Variants in NRXN3 observed in about 807,000 individuals in gnomAD.
NRXN3 encodes neurexin III.
Under a neutral mutation model 137.6 loss-of-function variants are expected in NRXN3, and 32 were observed. The observed-to-expected ratio is 0.23, with a 90% CI of 0.18 to 0.31. NRXN3 has a LOEUF of 0.31. Ranked by LOEUF, NRXN3 falls within the 10% of genes least tolerant of loss-of-function variation. NRXN3 has a pLI of 1.00. For missense variants in NRXN3, 1,574 were observed against 2,062.5 expected (o/e 0.76, Z 4.59); for synonymous variants, 798 against 784.5 (o/e 1.02, Z -0.29).
chr14:79,316,892 C>G (rs140914088), intron 15 of NRXN3, among the ~76,000 whole-genome samples: 12 of 152,134 alleles, frequency 7.9e-5, no homozygotes, highest in African/African-American at 2.9e-4. Flanking sequence ...TACAACAATA[C>G]AAAGTTATCA....
intron 15 of NRXN3, among the ~76,000 whole-genome samples, chr14:79,301,370 G>A (rs1427952332): frequency 1.3e-5 from 2 of 152,004 alleles, no homozygotes; most frequent in African/African-American, 2.4e-5. Context: ...ATCGGCAGCT[G>A]TCTTACTCAT....
At chr14:79,146,293 T>C (rs2059292396) in intron 15 of NRXN3, among the ~76,000 whole-genome samples, 1 of 152,098 alleles carries the variant, frequency 6.6e-6, no homozygotes, top group Admixed American at 6.5e-5. Context: ...TTACAAGGCA[T>C]GGTCCTGCCT....
intron 1 of NRXN3, among the ~76,000 whole-genome samples, chr14:78,179,448 T>C (rs1235410907): frequency 6.6e-6 from 1 of 152,158 alleles, no homozygotes; most frequent in Non-Finnish European, 1.5e-5. Context: ...TAATTAAACA[T>C]CGATTTCTGG....
chr14:78,748,442 G>A (rs1048075722), intron 8 of NRXN3, among the ~76,000 whole-genome samples: 1 of 152,118 alleles, frequency 6.6e-6, no homozygotes, highest in Non-Finnish European at 1.5e-5. Context: ...GGAAATGTGG[G>A]GAAGGGTAGA....
intron 8 of NRXN3, among the ~76,000 whole-genome samples, chr14:78,797,272 G>T (rs2098824835): frequency 1.3e-5 from 2 of 152,176 alleles, no homozygotes; most frequent in Admixed American, 6.5e-5. Flanking sequence ...CAGGGTTAGT[G>T]TCCAGACTTG....
chr14:78,971,491 A>G (rs1005089050), intron 14 of NRXN3, among the ~76,000 whole-genome samples: 2 of 152,042 alleles, frequency 1.3e-5, no homozygotes, highest in Non-Finnish European at 2.9e-5. Context: ...TACATTTAAT[A>G]TATGTTTCCA....
At chr14:79,707,498 T>A (rs968494583) in intron 19 of NRXN3, among the ~76,000 whole-genome samples, 9 of 136,062 alleles carry the variant, frequency 6.6e-5, no homozygotes. Flanking sequence ...TGGAGCTATG[T>A]TTTTTTATTA....
At chr14:78,812,618 A>G (rs889546072) in intron 10 of NRXN3, among the ~76,000 whole-genome samples, 4 of 152,222 alleles carry the variant, frequency 2.6e-5, no homozygotes, top group African/African-American at 9.6e-5. Context: ...TGTTGGGAAG[A>G]TGGTGACACA....
chr14:78,808,334 A>G (rs1411374268), intron 9 of NRXN3, among the ~76,000 whole-genome samples: 1 of 152,194 alleles, frequency 6.6e-6, no homozygotes, highest in Non-Finnish European at 1.5e-5. Flanking sequence ...TTCTTGTCTA[A>G]TAATAAAATC....
chr14:78,864,011 A>T lies in NRXN3; in HGVS notation c.2275+53667A>T, dbSNP rs535640839. 2.0e-5 allele frequency among the ~76,000 whole-genome samples: 3 copies of T among 152,304 alleles called. No individual in the cohort carries two copies. In the South Asian group the frequency reaches 6.2e-4, roughly 32 times the overall value. ...AACTCCTGTGAACATATTGTCTTTG[A>T]AATTGGTAAAATAAATAAAATTGAG... On this transcript the variant is annotated intron_variant, in intron 10 of 20. Transcript: ENST00000335750.
chr14:78,331,926 A>C (rs2080864028), intron 4 of NRXN3, among the ~76,000 whole-genome samples: 1 of 152,232 alleles, frequency 6.6e-6, no homozygotes, highest in African/African-American at 2.4e-5. Context: ...ATGGCCAGCC[A>C]GGCCAATTAG....
intron 16 of NRXN3, among the ~76,000 whole-genome samples, chr14:79,614,276 G>T (rs1272656189): frequency 6.6e-6 from 1 of 152,162 alleles, no homozygotes; most frequent in Non-Finnish European, 1.5e-5. Context: ...CCCAGCATTT[G>T]TTACTGGCCT....
At chr14:78,173,440 G>C (rs964601436) in intron 1 of NRXN3, among the ~76,000 whole-genome samples, 1 of 151,610 alleles carries the variant, frequency 6.6e-6, no homozygotes, top group Non-Finnish European at 1.5e-5. Flanking sequence ...GATGGGGGAC[G>C]GGTTGTCAGT....
chr14:78,933,277 G>A (rs1246070510), intron 10 of NRXN3, among the ~76,000 whole-genome samples: 1 of 152,190 alleles, frequency 6.6e-6, no homozygotes, highest in East Asian at 1.9e-4. Context: ...AAATATAAAC[G>A]TTAGACTCTT....
intron 16 of NRXN3, among the ~76,000 whole-genome samples, chr14:79,522,051 A>T (rs901818293): frequency 6.6e-6 from 1 of 152,194 alleles, no homozygotes; most frequent in African/African-American, 2.4e-5. Context: ...GGCATTGTCT[A>T]TGTTTAATCT....
At chr14:79,108,899 G>A (rs951957576) in intron 15 of NRXN3, among the ~76,000 whole-genome samples, 1 of 152,078 alleles carries the variant, frequency 6.6e-6, no homozygotes, top group African/African-American at 2.4e-5. Flanking sequence ...CTAATGGGGA[G>A]ATATCATTAG....
chr14:78,235,009 T>A (rs1217545477), intron 1 of NRXN3, among the ~76,000 whole-genome samples: 2 of 102,050 alleles, frequency 2.0e-5, no homozygotes, highest in Non-Finnish European at 3.8e-5. Context: ...TATATATATA[T>A]ATATATATAT....
intron 15 of NRXN3, among the ~76,000 whole-genome samples, chr14:79,064,326 G>T (rs1166180162): frequency 6.6e-6 from 1 of 152,050 alleles, no homozygotes; most frequent in Non-Finnish European, 1.5e-5. Flanking sequence ...TGTTGTTCAC[G>T]GAACTGCAAG....
intron 10 of NRXN3, among the ~76,000 whole-genome samples, chr14:78,934,930 T>C (rs746786337): frequency 6.6e-6 from 1 of 151,448 alleles, no homozygotes; most frequent in African/African-American, 2.4e-5. Flanking sequence ...CTACACGTTG[T>C]GCACATGTAC....
Sources: allele counts gnomAD v4.1 joint callset (sites outside exome capture counted in the v4.1 genomes callset), GRCh38; gene constraint gnomAD v4.1.1; transcripts MANE v1.5; gene names NCBI Gene and HGNC (gene_info 2026-07-23, HGNC 2026-07-21).